Variants in CABP1 observed in about 807,000 individuals in gnomAD.
CABP1 encodes the protein calcium binding protein 1, also known as calcium-binding protein 1.
In CABP1, 17 loss-of-function variants were observed where a neutral mutation model predicts 34.3. That is an observed-to-expected ratio of 0.50 (90% CI 0.34 to 0.74). The LOEUF (loss-of-function observed/expected upper bound fraction) is 0.74, where lower values mean the gene tolerates loss of function less well. Among genes scored for constraint, CABP1 ranks in the 30% least tolerant of loss-of-function variants. CABP1 has a pLI of 0.01. For synonymous variants in CABP1, 198 were observed against 229.2 expected (o/e 0.86, Z 1.23); for missense variants, 373 against 511.1 (o/e 0.73, Z 2.61).
the CABP1 span, among the ~76,000 whole-genome samples, chr12:120,674,388 G>A: frequency 3.5e-4 from 53 of 152,206 alleles, no homozygotes; most frequent in Admixed American, 3.5e-3. Flanking sequence ...TTAAATCTGG[G>A]ATCTGGCCCT....
At chr12:120,678,402 C>T in the CABP1 span, among the ~76,000 whole-genome samples, 13 of 152,136 alleles carry the variant, frequency 8.5e-5, no homozygotes, top group African/African-American at 3.1e-4. Flanking sequence ...TTTTTTCTCC[C>T]TTGGGGAGAA....
At chr12:120,678,672 A>G in the CABP1 span, among the ~76,000 whole-genome samples, 4 of 152,148 alleles carry the variant, frequency 2.6e-5, no homozygotes, top group Non-Finnish European at 5.9e-5. Context: ...AGCTCTAAGA[A>G]GTGGAGCTAG....
chr12:120,674,992 A>G, the CABP1 span, among the ~76,000 whole-genome samples: 1 of 151,546 alleles, frequency 6.6e-6, no homozygotes, highest in African/African-American at 2.4e-5. Context: ...ATGTACATGT[A>G]TAGGATGTAT....
At position 120,660,600 on chromosome 12, in the gene CABP1, C is replaced by T. The variant is rs991152631; in HGVS notation, c.830-131C>T. ...CTCACAGGAAGAACTGAACAGAGGG[C>T]TCTTGTTATTATTAAGTTTGTCTCT... On this transcript the variant is annotated intron_variant, in intron 3 of 5. Coordinates refer to ENST00000316803, the MANE Select transcript of CABP1 (RefSeq NM_001033677.2). The surrounding 1 kb of genome is among the most constrained non-coding windows in gnomAD (Gnocchi z 5.0). 5 of 751,576 alleles carry T rather than the reference C, an allele frequency of 6.7e-6. No homozygotes were observed. Among genetic ancestry groups the T allele is most frequent in the Admixed American group, 6.3e-5 (3 of 47,666 alleles). The allele number at this position is 751,576 out of a possible 1,614,324, so 46.6% of individuals were successfully genotyped here.
chr12:120,668,586 T>A (rs994822325), downstream of CABP1, among the ~76,000 whole-genome samples: 2 of 152,232 alleles, frequency 1.3e-5, no homozygotes, highest in Non-Finnish European at 2.9e-5. Context: ...GAAGCTCAGT[T>A]TCTTCCTGTG....
the CABP1 span, among the ~76,000 whole-genome samples, chr12:120,673,596 GA>G: frequency 2.6e-5 from 4 of 151,140 alleles, no homozygotes; most frequent in South Asian, 2.1e-4. Context: ...TCAAAAAAAA[GA>G]AAAAAAAGTC....
intron 1 of CABP1, among the ~76,000 whole-genome samples, chr12:120,645,973 C>T (rs556988385): frequency 4.5e-4 from 69 of 152,258 alleles, no homozygotes; most frequent in African/African-American, 1.3e-3. Context: ...ATTGCTTGAG[C>T]CCAAGAGTTT....
At chr12:120,676,474 C>T in the CABP1 span, among the ~76,000 whole-genome samples, 252 of 152,182 alleles carry the variant, frequency 1.7e-3, no homozygotes, top group African/African-American at 5.8e-3. Flanking sequence ...GTTGCCCAGG[C>T]TGGAGCATGA....
Position 120,641,222 on chromosome 12 carries a change from C to A in CABP1, c.537C>A (p.Leu179=). The change falls in exon 1 of 6, where the codon CTC becomes CTA. Residue 179 remains leucine (L), a synonymous_variant. Coordinates refer to ENST00000316803, the MANE Select transcript of CABP1 (RefSeq NM_001033677.2). The surrounding 1 kb of genome is among the most constrained non-coding windows in gnomAD (Gnocchi z 6.7). ...AGGAACGGGGACTGTCCCCGGCGCT[C>A]GGCCTCCGGGGCTCTCTGCGAGCCC... is the stretch of plus-strand genomic sequence containing the variant. ...DGEERGLSPA[L]GLRGSLRARG... The A allele has an allele frequency of 1.6e-6, 2 of 1,254,308 alleles. No individual in the cohort carries two copies. The highest frequency in any genetic ancestry group is 3.2e-5 in the East Asian group (1 of 31,212). 77.7% of individuals were successfully genotyped at this position (1,254,308 alleles called of 1,614,324 possible). A position where few individuals can be genotyped will look rare whatever the true frequency, so the allele number is the denominator to read the frequency against.
intron 1 of CABP1, 44 bp from the exon 2 acceptor site, chr12:120,659,834 C>T: frequency 1.2e-6 from 2 of 1,606,390 alleles, no homozygotes; most frequent in East Asian, 2.2e-5. Flanking sequence ...TTGTGACTTC[C>T]AGGTCCCTTG....
chr12:120,652,426 G>T (rs544786527), intron 1 of CABP1, among the ~76,000 whole-genome samples: 1 of 148,538 alleles, frequency 6.7e-6, no homozygotes, highest in African/African-American at 2.5e-5. Flanking sequence ...TCTCTTTTCC[G>T]CTACATAGTT....
intron 5 of CABP1, 30 bp from the exon 6 acceptor site, chr12:120,666,845 T>TGCTCCCCAGCTGCTCCTC: frequency 6.3e-7 from 1 of 1,596,824 alleles, no homozygotes; most frequent in Non-Finnish European, 8.5e-7. Context: ...GGCTGCTGCT[T>TGCTCCCCAGCTGCTCCTC]GCTCCCCAGC....
chr12:120,640,663 G>C lies in CABP1; in HGVS notation c.-23G>C. On this transcript the variant is annotated 5_prime_UTR_variant, in exon 1 of 6. Transcript: ENST00000316803. This position sits in a 1 kb window ranked among gnomAD's most constrained non-coding sequence, Gnocchi z 6.2. ...CCAGCCGCCGGGAGCTCCGGGCTCC[G>C]GGCGTAGAGGCTGCGCTGTCACATG... 1.0e-5 allele frequency: 12 copies of C among 1,173,726 alleles called. No homozygotes were observed. Among genetic ancestry groups the C allele is most frequent in the Non-Finnish European group, 1.3e-5 (12 of 950,526 alleles). The allele number at this position is 1,173,726 out of a possible 1,614,324, so 72.7% of individuals were successfully genotyped here. A position where few individuals can be genotyped will look rare whatever the true frequency, so the allele number is the denominator to read the frequency against.
intron 5 of CABP1, among the ~76,000 whole-genome samples, chr12:120,666,031 A>G (rs1409339899): frequency 1.4e-5 from 2 of 147,388 alleles, no homozygotes; most frequent in East Asian, 2.0e-4. Context: ...AAAAAAAAAA[A>G]GAAAAGAGAG....
intron 1 of CABP1, among the ~76,000 whole-genome samples, chr12:120,649,405 G>A (rs1484002850): frequency 6.6e-6 from 1 of 152,188 alleles, no homozygotes; most frequent in African/African-American, 2.4e-5. Flanking sequence ...CAGGAAACAG[G>A]GACACTTGCA....
At chr12:120,675,317 T>C in the CABP1 span, among the ~76,000 whole-genome samples, 2 of 152,206 alleles carry the variant, frequency 1.3e-5, no homozygotes, top group Non-Finnish European at 2.9e-5. Flanking sequence ...CCTCCCAAAG[T>C]GGTGGGATTA....
the CABP1 span, among the ~76,000 whole-genome samples, chr12:120,676,497 G>A: frequency 9.2e-5 from 14 of 151,796 alleles, no homozygotes; most frequent in African/African-American, 3.4e-4. Flanking sequence ...ATGTGATCTC[G>A]GCTCATCACA....
chr12:120,640,820 G>GC lies in CABP1; in HGVS notation c.140dup (p.Pro48AlafsTer51). 9.2e-7 allele frequency: 1 copy of GC among 1,082,266 alleles called. No homozygotes were observed. The highest frequency in any genetic ancestry group is 1.1e-6 in the Non-Finnish European group (1 of 894,354). 67.0% of individuals were successfully genotyped at this position (1,082,266 alleles called of 1,614,324 possible). On this transcript the variant is annotated frameshift_variant, in exon 1 of 6. Coordinates refer to ENST00000316803, the MANE Select transcript of CABP1 (RefSeq NM_001033677.2). LOFTEE classifies it high-confidence loss of function. This position sits in a 1 kb window ranked among gnomAD's most constrained non-coding sequence, Gnocchi z 6.2. ...GCCCCGCGCCGCGCCGCACCGCGCCGCCCCCGCCGGGCCATGCGAGCGCGG... is the reference window on the plus strand; with the variant it reads ...GCCCCGCGCCGCGCCGCACCGCGCCGCCCCCCGCCGGGCCATGCGAGCGCGG...
At chr12:120,669,687 G>A (rs1881183720), downstream of CABP1, among the ~76,000 whole-genome samples, 1 of 152,100 alleles carries the variant, frequency 6.6e-6, no homozygotes, top group African/African-American at 2.4e-5. Context: ...ACGAGAGGCG[G>A]AGGTTGCAGT....
Sources: gnomAD v4.1 joint callset for allele counts (sites outside exome capture counted in the v4.1 genomes callset) on GRCh38, gnomAD v4.1.1 for gene constraint, Gnocchi (gnomAD v3.1) non-coding constraint, MANE v1.5 for transcripts, NCBI Gene and HGNC (gene_info 2026-07-23, HGNC 2026-07-21) for gene names.